Variants in PPFIA2 observed in about 807,000 individuals in gnomAD.
PPFIA2 encodes PPFI scaffold protein A2.
PPFIA2 carries 46 observed loss-of-function variants against 175.5 expected under a neutral mutation model. The observed-to-expected ratio is 0.26, with a 90% confidence interval of 0.21 to 0.34. PPFIA2 has a LOEUF of 0.34. Among genes scored for constraint, PPFIA2 ranks in the 10% least tolerant of loss-of-function variants. The probability of loss-of-function intolerance (pLI) is 1.00; values close to 1 mark genes in which losing one functional copy is unlikely to be tolerated. For missense variants in PPFIA2, 1,179 were observed against 1,506.1 expected, an observed-to-expected ratio of 0.78 and a Z score of 3.60; for synonymous variants, 568 against 511.4, an observed-to-expected ratio of 1.11 and a Z score of -1.49.
chr12:81,718,897 G>A (rs1596771168), intron 3 of PPFIA2, among the ~76,000 whole-genome samples: 1 of 151,518 alleles, frequency 6.6e-6, no homozygotes, highest in Non-Finnish European at 1.5e-5. Context: ...CGTTGGGAAA[G>A]GGAAATAGTG....
chr12:81,529,518 GAC>G (rs375183877), intron 4 of PPFIA2, among the ~76,000 whole-genome samples: 4 of 149,708 alleles, frequency 2.7e-5, no homozygotes, highest in East Asian at 2.0e-4. Context: ...GAGAGAGAGA[GAC>G]ACACACACAC....
At chr12:81,701,906 T>C (rs1360929528) in intron 3 of PPFIA2, among the ~76,000 whole-genome samples, 1 of 125,580 alleles carries the variant, frequency 8.0e-6, no homozygotes, top group Non-Finnish European at 1.6e-5. Flanking sequence ...ATACACTTTA[T>C]GGGAAGACTA....
intron 4 of PPFIA2, among the ~76,000 whole-genome samples, chr12:81,674,991 C>A (rs1027260725): frequency 2.0e-5 from 3 of 151,904 alleles, no homozygotes; most frequent in African/African-American, 7.2e-5. Context: ...CTTATGCACT[C>A]TGAAATGTTC....
intron 9 of PPFIA2, among the ~76,000 whole-genome samples, chr12:81,378,650 A>G (rs929414968): frequency 2.0e-5 from 3 of 152,172 alleles, no homozygotes; most frequent in African/African-American, 7.2e-5. Flanking sequence ...TGCAAACAGA[A>G]CTCTGGGAAA....
chr12:81,477,361 G>C (rs1272202190), intron 4 of PPFIA2, among the ~76,000 whole-genome samples: 1 of 152,156 alleles, frequency 6.6e-6, no homozygotes, highest in Non-Finnish European at 1.5e-5. Context: ...TCCTTTGACA[G>C]AGAATGATTA....
At chr12:81,353,022 C>T in intron 17 of PPFIA2, 97 bp downstream of exon 17, 1 of 1,051,236 alleles carries the variant, frequency 9.5e-7, no homozygotes, top group South Asian at 1.5e-5. Context: ...TATTAAGCTC[C>T]CAGTTAATGC....
rs181954383 is a variant in PPFIA2, at chr12:81,609,778, G to T, written c.303+67013C>A. Among the ~76,000 whole-genome samples, 6 of 152,230 alleles carry T rather than the reference G, an allele frequency of 3.9e-5. No homozygotes were observed. The South Asian group carries it at 6.2e-4, about 16-fold the overall frequency. On this transcript the variant is annotated intron_variant, in intron 4 of 32. Coordinates refer to ENST00000549396, the MANE Select transcript of PPFIA2 (RefSeq NM_003625.5). ...AACATTTACCCCATTTACATTCAAGGTTAATATTGATATGTGTGATTTTTG... is the reference window on the plus strand; with the variant it reads ...AACATTTACCCCATTTACATTCAAGTTTAATATTGATATGTGTGATTTTTG...
intron 16 of PPFIA2, among the ~76,000 whole-genome samples, chr12:81,356,885 C>T (rs2060938318): frequency 1.3e-5 from 2 of 152,108 alleles, no homozygotes; most frequent in African/African-American, 4.8e-5. Flanking sequence ...TTTTTAAGCC[C>T]AAGGCATGCT....
chr12:81,703,826 C>T (rs1055340306), intron 3 of PPFIA2, among the ~76,000 whole-genome samples: 1 of 152,094 alleles, frequency 6.6e-6, no homozygotes, highest in African/African-American at 2.4e-5. Context: ...TACTCTTTCT[C>T]TCTGGAACGC....
intron 3 of PPFIA2, among the ~76,000 whole-genome samples, chr12:81,699,496 T>C (rs2076260344): frequency 6.6e-6 from 1 of 151,690 alleles, no homozygotes. Flanking sequence ...GTCATAGTAA[T>C]ATTATAAGCT....
Position 81,325,858 on chromosome 12 carries a change from T to A in PPFIA2, c.2561A>T (p.Glu854Val). ...GGACTCCTGAGCTGCAGCTTCAGTCTCCATAAAGCCTCCTGTGAAGAGAAG... is the reference window on the plus strand; with the variant it reads ...GGACTCCTGAGCTGCAGCTTCAGTCACCATAAAGCCTCCTGTGAAGAGAAG... ...ARLGQLRGFM[E>V]TEAAAQESLG... Residue 854 changes from glutamate to valine, a missense_variant, in exon 22 of 33, where the codon GAG (glutamate) becomes GTG (valine). Transcript: ENST00000549396. The A allele has an allele frequency of 6.2e-7, 1 of 1,611,530 alleles. No individual in the cohort carries two copies. Among genetic ancestry groups the A allele is most frequent in the Non-Finnish European group, 8.5e-7 (1 of 1,177,986 alleles).
intron 3 of PPFIA2, among the ~76,000 whole-genome samples, chr12:81,722,102 G>A (rs558086926): frequency 6.6e-6 from 1 of 151,046 alleles, no homozygotes; most frequent in African/African-American, 2.4e-5. Context: ...AGGGCATTTA[G>A]ATCTAAAATA....
rs531128252 is a variant in PPFIA2 at position 81,258,721 on chromosome 12, G to C, written c.*973C>G. ...CTAATGCCCTGTTACATTGACAAAA[G>C]GGAAAGGTATCTTGGGTTTCGTTTT... On this transcript the variant is annotated 3_prime_UTR_variant, in exon 33 of 33. Coordinates refer to ENST00000549396, the MANE Select transcript of PPFIA2 (RefSeq NM_003625.5). 7 of 152,118 alleles carry C rather than the reference G, an allele frequency of 4.6e-5. No individual in the cohort carries two copies. The South Asian group carries it at 1.5e-3, about 32-fold the overall frequency. The allele number at this position is 152,118 out of a possible 1,614,324, so 9.4% of individuals were successfully genotyped here.
rs1478067890 is a variant in PPFIA2, at chr12:81,514,075, A to G, written c.304-56209T>C. Among the ~76,000 whole-genome samples, 3 of 151,964 alleles carry G rather than the reference A, an allele frequency of 2.0e-5. No individual in the cohort carries two copies. The East Asian group carries it at 5.8e-4, about 29-fold the overall frequency. On this transcript the variant is annotated intron_variant, in intron 4 of 32. Transcript: ENST00000549396. ...GAGCAGATTGATTTGGAATTGTTAC[A>G]ACAGACAAAAAATCTTTTATCTCTG...
intron 5 of PPFIA2, among the ~76,000 whole-genome samples, chr12:81,449,817 G>A (rs904773787): frequency 1.5e-5 from 2 of 137,636 alleles, no homozygotes; most frequent in Non-Finnish European, 3.0e-5. Flanking sequence ...AGGCCCTGGT[G>A]TGTGATGTTC....
rs761052075 is a variant in PPFIA2 at position 81,267,978 on chromosome 12, G to A, written c.3420C>T (p.Ala1140=). 1 of 1,599,244 alleles carries A rather than the reference G, an allele frequency of 6.3e-7. No individual in the cohort carries two copies. The highest frequency in any genetic ancestry group is 1.1e-5 in the South Asian group (1 of 88,360). Residue 1140 remains alanine (A), a synonymous_variant, in exon 29 of 33, where the codon GCC becomes GCT. Coordinates refer to ENST00000549396, the MANE Select transcript of PPFIA2 (RefSeq NM_003625.5). ...LESGVHGSLI[A]LDENFDYSSL... ...TGCTGTAGTCAAAGTTTTCATCCAGGGCTATAAGTGAGCCATGCACACCGC... is the reference window on the plus strand; with the variant it reads ...TGCTGTAGTCAAAGTTTTCATCCAGAGCTATAAGTGAGCCATGCACACCGC...
rs931787016 is a variant in PPFIA2, at chr12:81,575,270, T to G, written c.303+101521A>C. On this transcript the variant is annotated intron_variant, in intron 4 of 32. Coordinates refer to ENST00000549396, the MANE Select transcript of PPFIA2 (RefSeq NM_003625.5). ...ATATCTGGAAACTATAGATGGTGAA[T>G]GTAATCGTTCCACCAAATGATTCTC... 1.4e-4 allele frequency among the ~76,000 whole-genome samples: 22 copies of G among 151,968 alleles called. 1 individual carries two copies. Among genetic ancestry groups the G allele is most frequent in the Admixed American group, 1.3e-3 (20 of 15,196 alleles).
intron 27 of PPFIA2, among the ~76,000 whole-genome samples, chr12:81,277,666 T>C (rs1263991463): frequency 2.0e-5 from 3 of 152,220 alleles, no homozygotes; most frequent in South Asian, 2.1e-4. Flanking sequence ...TCATGGATTA[T>C]ATTGTTCATC....
chr12:81,307,407 A>T (rs912985943), intron 22 of PPFIA2, among the ~76,000 whole-genome samples: 2 of 152,192 alleles, frequency 1.3e-5, no homozygotes, highest in African/African-American at 4.8e-5. Context: ...AGGATCCTTG[A>T]TTATAGGGCA....
Sources: gnomAD v4.1 joint callset for allele counts (sites outside exome capture counted in the v4.1 genomes callset) on GRCh38, gnomAD v4.1.1 for gene constraint, MANE v1.5 for transcripts, NCBI Gene and HGNC (gene_info 2026-07-23, HGNC 2026-07-21) for gene names.